LRBA: variants seen among roughly 807,000 people sequenced by gnomAD.
LRBA encodes LPS responsive beige-like anchor protein.
LRBA carries 176 observed loss-of-function variants against 330.0 expected under a neutral mutation model. The ratio of observed to expected loss-of-function variants is 0.53; its 90% confidence interval spans 0.47 to 0.60. The LOEUF is 0.60. LRBA is among the 20% of genes least tolerant of loss of function. LRBA has a pLI of 0.00. For synonymous variants in LRBA, 1,230 were observed against 1,193.0 expected, an observed-to-expected ratio of 1.03 and a Z score of -0.64; for missense variants, 3,259 against 3,444.8, an observed-to-expected ratio of 0.95 and a Z score of 1.35.
intron 47 of LRBA, among the ~76,000 whole-genome samples, chr4:150,397,437 C>T (rs573642507): frequency 6.6e-6 from 1 of 152,094 alleles, no homozygotes; most frequent in South Asian, 2.1e-4. Context: ...GACACCATGC[C>T]CAGCTAATAT....
chr4:150,293,550 A>T (rs938295499), intron 53 of LRBA, among the ~76,000 whole-genome samples: 1 of 152,230 alleles, frequency 6.6e-6, no homozygotes, highest in African/African-American at 2.4e-5. Context: ...TCAGACAGGA[A>T]ATTTTAGTAG....
At chr4:150,968,809 T>C (rs1259248173) in intron 2 of LRBA, among the ~76,000 whole-genome samples, 2 of 152,168 alleles carry the variant, frequency 1.3e-5, no homozygotes, top group Non-Finnish European at 1.5e-5. Flanking sequence ...ATCTAGGACT[T>C]TCCTAGATAC....
At chr4:150,485,841 T>C (rs1757809392) in intron 42 of LRBA, among the ~76,000 whole-genome samples, 2 of 151,944 alleles carry the variant, frequency 1.3e-5, no homozygotes, top group African/African-American at 4.8e-5. Context: ...ATTAAGGTAG[T>C]GTTTGCATGG....
chr4:150,282,771 A>T (rs1253418466), intron 54 of LRBA, 125 bp from the exon 55 acceptor site: 1 of 650,550 alleles, frequency 1.5e-6, no homozygotes, highest in Non-Finnish European at 2.5e-6. Context: ...CCTTTAAAAA[A>T]CTTCCATCTT....
At chr4:150,626,158 C>A (rs542980137) in intron 37 of LRBA, among the ~76,000 whole-genome samples, 2 of 152,280 alleles carry the variant, frequency 1.3e-5, no homozygotes, top group African/African-American at 4.8e-5. Context: ...ACACAATATT[C>A]TGCATCTTAA....
chr4:150,834,753 A>G (rs893382958), intron 28 of LRBA, among the ~76,000 whole-genome samples: 1 of 152,202 alleles, frequency 6.6e-6, no homozygotes, highest in Non-Finnish European at 1.5e-5. Context: ...TGTCCTTTGT[A>G]ACACTGAAGC....
upstream of LRBA, chr4:151,015,713 A>C (rs1458602654): frequency 1.3e-5 from 2 of 151,884 alleles, no homozygotes; most frequent in Admixed American, 6.6e-5. Flanking sequence ...GGCCGCCATG[A>C]CAGCGCCGAG....
chr4:150,279,207 G>A (rs757391573), intron 55 of LRBA, among the ~76,000 whole-genome samples: 1 of 152,280 alleles, frequency 6.6e-6, no homozygotes. Flanking sequence ...AGCAGAGAAT[G>A]CAGAACCCTC....
intron 2 of LRBA, among the ~76,000 whole-genome samples, chr4:150,979,814 G>A (rs991710619): frequency 2.6e-5 from 4 of 152,110 alleles, no homozygotes; most frequent in African/African-American, 4.8e-5. Context: ...AACAAGTAAT[G>A]AGATTGAAGC....
At chr4:150,474,183 T>A (rs1231163952) in intron 42 of LRBA, among the ~76,000 whole-genome samples, 2 of 152,212 alleles carry the variant, frequency 1.3e-5, no homozygotes, top group Non-Finnish European at 2.9e-5. Flanking sequence ...AAAATTTTCT[T>A]GTATGTAAAC....
At chr4:150,590,143 A>G (rs1772625853) in intron 39 of LRBA, among the ~76,000 whole-genome samples, 1 of 152,192 alleles carries the variant, frequency 6.6e-6, no homozygotes, top group African/African-American at 2.4e-5. Context: ...GAATGACTAA[A>G]ATTTCCGGCT....
intron 33 of LRBA, among the ~76,000 whole-genome samples, chr4:150,802,395 G>A (rs1741792525): frequency 6.6e-6 from 1 of 150,636 alleles, no homozygotes; most frequent in South Asian, 2.1e-4. Context: ...AAGAATAGCT[G>A]ATGTGTAATA....
intron 28 of LRBA, among the ~76,000 whole-genome samples, chr4:150,832,487 T>G (rs1291448629): frequency 6.6e-6 from 1 of 152,066 alleles, no homozygotes; most frequent in African/African-American, 2.4e-5. Flanking sequence ...TCCCAGCTAC[T>G]CAGGAGCCTG....
chr4:150,623,842 C>T (rs957235297), intron 37 of LRBA, among the ~76,000 whole-genome samples: 2 of 151,964 alleles, frequency 1.3e-5, no homozygotes, highest in African/African-American at 4.8e-5. Context: ...ATCCACAGCA[C>T]TCTATTTTTT....
intron 28 of LRBA, among the ~76,000 whole-genome samples, chr4:150,838,567 T>A (rs951560500): frequency 3.9e-5 from 6 of 152,252 alleles, no homozygotes; most frequent in Non-Finnish European, 8.8e-5. Flanking sequence ...ACACCCTTTC[T>A]TCCAGTTGAT....
chr4:150,310,295 C>T lies in LRBA; in HGVS notation c.7783G>A (p.Asp2595Asn). 1 of 1,612,786 alleles carries T rather than the reference C, an allele frequency of 6.2e-7. No homozygotes were observed. Among genetic ancestry groups the T allele is most frequent in the Non-Finnish European group, 8.5e-7 (1 of 1,178,974 alleles). Reference protein sequence around the residue: ...VHSQCFVITSDNRYILVCGFW... With the variant: ...VHSQCFVITSNNRYILVCGFW... Reference sequence around the variant, plus strand: ...CCACAGACGAGAATATAGCGGTTGTCTGAAGTGATGACAAAGCACTGGGAA... The same window carrying T: ...CCACAGACGAGAATATAGCGGTTGTTTGAAGTGATGACAAAGCACTGGGAA... The change falls in exon 52 of 57, where the codon GAC becomes AAC. Residue 2595 changes from aspartate (D) to asparagine (N), a missense_variant. Asp to Asn is a conservative substitution (Grantham distance 23). Transcript: ENST00000651943.
chr4:150,716,177 A>G (rs543722326), intron 36 of LRBA, among the ~76,000 whole-genome samples: 24 of 152,276 alleles, frequency 1.6e-4, no homozygotes, highest in Middle Eastern at 3.4e-3. Flanking sequence ...GGCTGGGCGC[A>G]GTGGCTCATG....
chr4:150,384,268 C>A (rs1222817981), intron 47 of LRBA, among the ~76,000 whole-genome samples: 2 of 151,974 alleles, frequency 1.3e-5, no homozygotes, highest in East Asian at 3.9e-4. Context: ...GAACTCCCGA[C>A]CTCAGGTGAT....
At chr4:150,559,641 TATAATATAA>T (rs1767835203) in intron 40 of LRBA, among the ~76,000 whole-genome samples, 1 of 56,874 alleles carries the variant, frequency 1.8e-5, no homozygotes, top group Non-Finnish European at 3.2e-5. Context: ...TATATATTTA[TATAATATAA>T]TATATAATTA....
Sources: allele counts gnomAD v4.1 joint callset (sites outside exome capture counted in the v4.1 genomes callset), GRCh38; gene constraint gnomAD v4.1.1; transcripts MANE v1.5; gene names NCBI Gene and HGNC (gene_info 2026-07-23, HGNC 2026-07-21).